The following SLC14A2 variants were observed in gnomAD, a reference collection of about 807,000 sequenced individuals.
The protein encoded by SLC14A2 is urea transporter 2.
SLC14A2 carries 91 observed loss-of-function variants against 104.6 expected under a neutral mutation model. The observed-to-expected ratio is 0.87, with a 90% confidence interval of 0.73 to 1.04. The LOEUF (loss-of-function observed/expected upper bound fraction) is 1.04. Among genes scored for constraint, SLC14A2 ranks in the 50% least tolerant of loss-of-function variants. SLC14A2 has a pLI of 0.00. For synonymous variants in SLC14A2, 476 were observed against 466.4 expected (o/e 1.02, Z -0.27); for missense variants, 1,189 against 1,156.0 (o/e 1.03, Z -0.41).
intron 1 of SLC14A2, among the ~76,000 whole-genome samples, chr18:45,431,334 C>G (rs2089356804): frequency 1.3e-5 from 2 of 152,154 alleles, no homozygotes; most frequent in Admixed American, 6.6e-5. Context: ...TGTGCATTGT[C>G]TGATTAATGA....
chr18:45,277,772 CAT>C (rs1282784859), intron 1 of SLC14A2, among the ~76,000 whole-genome samples: 16 of 152,142 alleles, frequency 1.1e-4, no homozygotes, highest in Admixed American at 1.0e-3. Flanking sequence ...AATGAGAAAA[CAT>C]ATGTAACACA....
chr18:45,654,663 A>G (rs749176947), intron 10 of SLC14A2, among the ~76,000 whole-genome samples: 2 of 152,186 alleles, frequency 1.3e-5, no homozygotes, highest in Non-Finnish European at 2.9e-5. Context: ...GGTAGGCTTT[A>G]ATAGATGAGG....
intron 1 of SLC14A2, among the ~76,000 whole-genome samples, chr18:45,367,312 T>C (rs977350807): frequency 6.6e-6 from 1 of 152,240 alleles, no homozygotes; most frequent in African/African-American, 2.4e-5. Context: ...ATATTTATGA[T>C]GAAACTGGGT....
At chr18:45,672,196 T>C (rs1186684373) in intron 16 of SLC14A2, among the ~76,000 whole-genome samples, 1 of 152,288 alleles carries the variant, frequency 6.6e-6, no homozygotes, top group East Asian at 1.9e-4. Flanking sequence ...GGCCATTTTT[T>C]TGTCTAATAT....
intron 2 of SLC14A2, among the ~76,000 whole-genome samples, chr18:45,609,054 G>A (rs915868272): frequency 6.6e-6 from 1 of 152,164 alleles, no homozygotes; most frequent in African/African-American, 2.4e-5. Context: ...TCTGGGAGGA[G>A]GGGAAGAAGC....
intron 1 of SLC14A2, among the ~76,000 whole-genome samples, chr18:45,357,237 ATTT>A (rs56321113): frequency 7.9e-5 from 10 of 126,418 alleles, no homozygotes; most frequent in African/African-American, 1.3e-4. Context: ...TTGGGACACA[ATTT>A]TTTTTTTTTT....
rs1317611501 is a variant in SLC14A2, at chr18:45,414,758, ATATATATATATATATATATATAT to A, written c.-124-68474_-124-68452del. 1.6e-3 allele frequency among the ~76,000 whole-genome samples: 80 copies of A among 50,084 alleles called. 4 individuals are homozygous for A. The highest frequency in any genetic ancestry group is 5.9e-3 in the African/African-American group (78 of 13,138). 32.9% of individuals were successfully genotyped at this position (50,084 alleles called of 152,430 possible). A position where few individuals can be genotyped will look rare whatever the true frequency, so the allele number is the denominator to read the frequency against. ...GGCACCGAGCGTAAAAAAAAAAAAA[ATATATATATATATATATATATAT>A]ATATATATATATATAGAAAAGTACA... On this transcript the variant is annotated intron_variant, in intron 1 of 20. Coordinates refer to the SLC14A2 transcript ENST00000586448.
chr18:45,242,185 C>T (rs1310179928), intron 1 of SLC14A2, among the ~76,000 whole-genome samples: 1 of 152,046 alleles, frequency 6.6e-6, no homozygotes, highest in Non-Finnish European at 1.5e-5. Flanking sequence ...AAGCCCAGGC[C>T]CAGTTTGCTC....
At position 45,643,310 on chromosome 18, in the gene SLC14A2, G is replaced by T. The variant is rs942690674; in HGVS notation, c.1176+129G>T. 6.3e-6 allele frequency: 5 copies of T among 799,278 alleles called. No individual in the cohort carries two copies. In the African/African-American group the frequency reaches 6.8e-5, roughly 11 times the overall value. The allele number at this position is 799,278 out of a possible 1,614,324, so 49.5% of individuals were successfully genotyped here. A position where few individuals can be genotyped will look rare whatever the true frequency, so the allele number is the denominator to read the frequency against. ...TAGCTGGTGCTCACACGACATCTCT[G>T]TTAAGGTTTATCTAAGGTTGTCCGG... On this transcript the variant is annotated intron_variant, in intron 9 of 19. Coordinates refer to ENST00000255226, the MANE Select transcript of SLC14A2 (RefSeq NM_007163.4).
intron 1 of SLC14A2, among the ~76,000 whole-genome samples, chr18:45,350,860 G>A (rs1250225203): frequency 5.9e-5 from 9 of 151,928 alleles, no homozygotes; most frequent in East Asian, 5.8e-4. Flanking sequence ...TGTTTAGGTC[G>A]ATACAATTAT....
intron 2 of SLC14A2, among the ~76,000 whole-genome samples, chr18:45,517,354 G>A (rs894316926): frequency 7.9e-5 from 12 of 152,036 alleles, no homozygotes; most frequent in Non-Finnish European, 1.5e-4. Context: ...GCAGACCCTC[G>A]CCCCAGCCAG....
chr18:45,279,287 GC>G (rs1225480816), intron 1 of SLC14A2, among the ~76,000 whole-genome samples: 1 of 152,216 alleles, frequency 6.6e-6, no homozygotes, highest in African/African-American at 2.4e-5. Context: ...ATATTTTCTA[GC>G]AAAAACAGGT....
chr18:45,676,524 CA>C (rs2046232022), intron 18 of SLC14A2, among the ~76,000 whole-genome samples: 1 of 151,792 alleles, frequency 6.6e-6, no homozygotes, highest in South Asian at 2.1e-4. Flanking sequence ...GGTTTTCAAC[CA>C]GGGGTAATTT....
chr18:45,475,664 T>TATATATATATTTAGG, intron 1 of SLC14A2, among the ~76,000 whole-genome samples: 1 of 108,566 alleles, frequency 9.2e-6, no homozygotes, highest in Non-Finnish European at 1.9e-5. Context: ...TATATATATA[T>TATATATATATTTAGG]ATATATATAT....
intron 1 of SLC14A2, among the ~76,000 whole-genome samples, chr18:45,473,314 G>A (rs1221024028): frequency 6.6e-6 from 1 of 152,214 alleles, no homozygotes; most frequent in East Asian, 1.9e-4. Flanking sequence ...GTAGCATCAT[G>A]CCTCCGGCTT....
At chr18:45,251,025 TTTTA>T (rs1225377048) in intron 1 of SLC14A2, among the ~76,000 whole-genome samples, 1 of 152,132 alleles carries the variant, frequency 6.6e-6, no homozygotes, top group Non-Finnish European at 1.5e-5. Flanking sequence ...AAAAGAATCT[TTTTA>T]TTAATTTTTT....
intron 2 of SLC14A2, among the ~76,000 whole-genome samples, chr18:45,558,435 T>C (rs890564170): frequency 6.6e-6 from 1 of 152,162 alleles, no homozygotes; most frequent in African/African-American, 2.4e-5. Context: ...GAGAGAGGAA[T>C]GGCACTGGTA....
intron 1 of SLC14A2, among the ~76,000 whole-genome samples, chr18:45,476,691 T>C (rs1450607232): frequency 6.6e-6 from 1 of 152,170 alleles, no homozygotes; most frequent in African/African-American, 2.4e-5. Flanking sequence ...TTTCATTCCT[T>C]TTTCTCTAAT....
At chr18:45,595,149 G>A (rs1038225739) in intron 2 of SLC14A2, among the ~76,000 whole-genome samples, 1 of 151,974 alleles carries the variant, frequency 6.6e-6, no homozygotes, top group African/African-American at 2.4e-5. Flanking sequence ...CCGTTTTCTT[G>A]TATTATAAAA....
Sources: gnomAD v4.1 joint callset for allele counts (sites outside exome capture counted in the v4.1 genomes callset) on GRCh38, gnomAD v4.1.1 for gene constraint, MANE v1.5 for transcripts, NCBI Gene and HGNC (gene_info 2026-07-23, HGNC 2026-07-21) for gene names.